The following ZNF440 variants were observed in gnomAD, a reference collection of about 807,000 sequenced individuals.
ZNF440 encodes the protein zinc finger protein 440.
ZNF440 carries 47 observed loss-of-function variants against 49.7 expected under a neutral mutation model. That is an observed-to-expected ratio of 0.95 (90% CI 0.75 to 1.21). The LOEUF (loss-of-function observed/expected upper bound fraction) is 1.21, where lower values mean the gene tolerates loss of function less well. Among genes scored for constraint, ZNF440 ranks in the 50% most tolerant of loss-of-function variants. ZNF440 has a pLI of 0.00. For missense variants in ZNF440, 703 were observed against 715.0 expected, an observed-to-expected ratio of 0.98 and a Z score of 0.19; for synonymous variants, 255 against 237.7, an observed-to-expected ratio of 1.07 and a Z score of -0.67.
At chr19:11,827,375 T>C (rs1485005066) in intron 1 of ZNF440, among the ~76,000 whole-genome samples, 1 of 152,206 alleles carries the variant, frequency 6.6e-6, no homozygotes, top group Non-Finnish European at 1.5e-5. Context: ...TGCTTATTTT[T>C]TGATTGGTTG....
chr19:11,817,676 A>C lies in ZNF440; in HGVS notation c.3+3226A>C, dbSNP rs894712568. ...ACACAGTGAGACCCTGTCTCTATTT[A>C]AAAAAAAAAAAGGAAAGAAAGAAAG... On this transcript the variant is annotated intron_variant, in intron 1 of 3. Transcript: ENST00000304060. 3 of 127,622 alleles carry C rather than the reference A, an allele frequency of 2.4e-5. No individual in the cohort carries two copies. The East Asian group carries it at 6.1e-4, about 26-fold the overall frequency. 7.9% of individuals were successfully genotyped at this position (127,622 alleles called of 1,614,324 possible).
intron 1 of ZNF440, among the ~76,000 whole-genome samples, chr19:11,822,200 C>T (rs530189357): frequency 1.3e-5 from 2 of 152,264 alleles, no homozygotes; most frequent in South Asian, 2.1e-4. Context: ...AGCTGTCCCA[C>T]AGGGAGGTGG....
At chr19:11,828,628 A>T (rs1975895205) in intron 1 of ZNF440, among the ~76,000 whole-genome samples, 1 of 152,004 alleles carries the variant, frequency 6.6e-6, no homozygotes, top group African/African-American at 2.4e-5. Flanking sequence ...TGCTTTTTTC[A>T]ATTATCCCGA....
At chr19:11,830,459 C>T in intron 2 of ZNF440, 50 bp downstream of exon 2, 1 of 1,610,594 alleles carries the variant, frequency 6.2e-7, no homozygotes. Context: ...ACCAGTGTTT[C>T]TAGCTCATTA....
In ZNF440 at chr19:11,834,651, C is replaced by A. The variant is rs2545808; in HGVS notation, c.*1687C>A. ...TTGGTCATGTTTATGATTTGAAATA[C>A]GTTTTCCTCTATCACATTTAAAAAT... On this transcript the variant is annotated 3_prime_UTR_variant, in exon 4 of 4. Transcript: ENST00000304060. 1 of 152,010 alleles carries A rather than the reference C, an allele frequency of 6.6e-6. No individual in the cohort carries two copies. Among genetic ancestry groups the A allele is most frequent in the African/African-American group, 2.4e-5 (1 of 41,364 alleles). The allele number at this position is 152,010 out of a possible 1,614,324, so 9.4% of individuals were successfully genotyped here. A position where few individuals can be genotyped will look rare whatever the true frequency, so the allele number is the denominator to read the frequency against.
At chr19:11,818,779 G>A (rs1975763878) in intron 1 of ZNF440, among the ~76,000 whole-genome samples, 1 of 152,080 alleles carries the variant, frequency 6.6e-6, no homozygotes. Context: ...GCCTCAAACA[G>A]TCTTCCTTCT....
intron 1 of ZNF440, among the ~76,000 whole-genome samples, chr19:11,824,706 C>CTTTTTTTT (rs71166634): frequency 8.3e-6 from 1 of 120,544 alleles, no homozygotes; most frequent in Non-Finnish European, 1.7e-5. Context: ...CCCCACCACC[C>CTTTTTTTT]TTTTTTTTTT....
chr19:11,830,179 G>A (rs747604633), intron 1 of ZNF440, 104 bp from the exon 2 acceptor site: 44 of 1,555,370 alleles, frequency 2.8e-5, no homozygotes, highest in African/African-American at 8.3e-5. Context: ...CAGGGAATAC[G>A]TGTTTGGAGT....
rs1975983813 is a variant in ZNF440, at chr19:11,833,745, T to C, written c.*781T>C. Reference sequence around the variant, plus strand: ...TCACACTGGAGAGAAGCCCTATGAATATAAGCAATGTGGGAAAGCCTTCAG... The same window carrying C: ...TCACACTGGAGAGAAGCCCTATGAACATAAGCAATGTGGGAAAGCCTTCAG... On this transcript the variant is annotated 3_prime_UTR_variant, in exon 4 of 4. Transcript: ENST00000304060. 2 of 815,304 alleles carry C rather than the reference T, an allele frequency of 2.5e-6. No homozygotes were observed. Among genetic ancestry groups the C allele is most frequent in the East Asian group, 3.8e-5 (1 of 26,434 alleles). 50.5% of individuals were successfully genotyped at this position (815,304 alleles called of 1,614,324 possible).
At chr19:11,818,153 G>A (rs961465449) in intron 1 of ZNF440, among the ~76,000 whole-genome samples, 6 of 152,112 alleles carry the variant, frequency 3.9e-5, no homozygotes, top group African/African-American at 1.2e-4. Context: ...GCAGTGAGCC[G>A]TGATTGTGCC....
chr19:11,826,113 G>A (rs1174970827), intron 1 of ZNF440, among the ~76,000 whole-genome samples: 1 of 152,012 alleles, frequency 6.6e-6, no homozygotes, highest in East Asian at 1.9e-4. Context: ...ACGCGGCCAG[G>A]GCCACTCATT....
At chr19:11,818,952 T>TC (rs1975765440) in intron 1 of ZNF440, among the ~76,000 whole-genome samples, 1 of 152,150 alleles carries the variant, frequency 6.6e-6, no homozygotes, top group Non-Finnish European at 1.5e-5. Context: ...GAAGACAGTG[T>TC]GATAGCCATG....
chr19:11,820,438 T>G (rs959970825), intron 1 of ZNF440, among the ~76,000 whole-genome samples: 2 of 152,176 alleles, frequency 1.3e-5, no homozygotes, highest in East Asian at 1.9e-4. Context: ...CAGGATGTTC[T>G]CGATCTCTTG....
Position 11,832,727 on chromosome 19 carries a change from G to A in ZNF440, c.1551G>A (p.Ala517=), listed in dbSNP as rs374661331. Reference sequence around the variant, plus strand: ...CACTGGAGAGAAGCCCTATAAATGCGAGCAATGTGGGAAAGCCTTCAGAGC... The same window carrying A: ...CACTGGAGAGAAGCCCTATAAATGCAAGCAATGTGGGAAAGCCTTCAGAGC... ...GLTLERSPIN[A]SNVGKPSELC... Residue 517 remains alanine (A), a synonymous_variant, in exon 4 of 4, where the codon GCG becomes GCA. Coordinates refer to ENST00000304060, the MANE Select transcript of ZNF440 (RefSeq NM_152357.3). The A allele has an allele frequency of 1.3e-4, 212 of 1,599,424 alleles. No individual in the cohort carries two copies. The highest frequency in any genetic ancestry group is 1.6e-4 in the Non-Finnish European group (188 of 1,174,704).
intron 1 of ZNF440, 89 bp from the exon 2 acceptor site, chr19:11,830,194 G>A (rs891962757): frequency 3.2e-6 from 5 of 1,576,860 alleles, no homozygotes; most frequent in African/African-American, 2.7e-5. Flanking sequence ...TGGAGTCCAC[G>A]GCATCCTGAG....
At position 11,830,369 on chromosome 19, in the gene ZNF440, G is replaced by A. The variant is rs1192076163; in HGVS notation, c.90G>A (p.Arg30=). Residue 30 remains arginine, a synonymous_variant, in exon 2 of 4, where the codon AGG becomes AGA. Coordinates refer to ENST00000304060, the MANE Select transcript of ZNF440 (RefSeq NM_152357.3). ...LLDISQRKLY[R]EVMLETFRNL... ...ATATTTCCCAGAGGAAACTCTACAG[G>A]GAAGTGATGCTGGAAACTTTCAGGA... 6.2e-7 allele frequency: 1 copy of A among 1,614,144 alleles called. No individual in the cohort carries two copies. Among genetic ancestry groups the A allele is most frequent in the South Asian group, 1.1e-5 (1 of 91,080 alleles).
intron 1 of ZNF440, among the ~76,000 whole-genome samples, chr19:11,822,487 G>A (rs989748544): frequency 1.3e-5 from 2 of 152,140 alleles, no homozygotes; most frequent in Middle Eastern, 3.2e-3. Flanking sequence ...TGCTTTTTCT[G>A]TTAAGTGTTC....
chr19:11,814,524 C>T, intron 1 of ZNF440, 74 bp downstream of exon 1: 1 of 1,387,306 alleles, frequency 7.2e-7, no homozygotes, highest in Non-Finnish European at 9.4e-7. Context: ...TGAGGCGGGA[C>T]CCGGGCCTCC....
At chr19:11,817,726 A>T (rs1975750191) in intron 1 of ZNF440, 1 of 151,606 alleles carries the variant, frequency 6.6e-6, no homozygotes, top group African/African-American at 2.4e-5. Flanking sequence ...AGAGTAGGGC[A>T]TCCTCCTAAA....
Sources: allele counts gnomAD v4.1 joint callset (sites outside exome capture counted in the v4.1 genomes callset), GRCh38; gene constraint gnomAD v4.1.1; transcripts MANE v1.5; gene names NCBI Gene and HGNC (gene_info 2026-07-23, HGNC 2026-07-21).